Variants in NAALADL2 observed in about 807,000 individuals in gnomAD.
NAALADL2 encodes inactive N-acetylated-alpha-linked acidic dipeptidase-like protein 2.
Under a neutral mutation model 87.2 loss-of-function variants are expected in NAALADL2, and 76 were observed. That is an observed-to-expected ratio of 0.87 (90% CI 0.72 to 1.05). The LOEUF is 1.05. Among genes scored for constraint, NAALADL2 ranks in the 50% least tolerant of loss-of-function variants. NAALADL2 has a pLI of 0.00. For synonymous variants in NAALADL2, 354 were observed against 331.0 expected (o/e 1.07, Z -0.75); for missense variants, 1,089 against 945.8 (o/e 1.15, Z -1.99).
rs868027292 is a variant in NAALADL2, at chr3:175,463,400, G to T, written c.1235-1G>T. 1.9e-6 allele frequency: 3 copies of T among 1,552,064 alleles called. No homozygotes were observed. Among genetic ancestry groups the T allele is most frequent in the Middle Eastern group, 1.7e-4 (1 of 5,796 alleles). On this transcript the variant is annotated splice_acceptor_variant, in intron 6 of 13. Coordinates refer to ENST00000454872, the MANE Select transcript of NAALADL2 (RefSeq NM_207015.3). LOFTEE classifies it high-confidence loss of function. ...AAGTCTTTAAATTTTTATTTTTTCA[G>T]AAATAAGAGTCGTCAGCATGCAAGT...
chr3:174,474,269 C>T lies in NAALADL2; in HGVS notation c.-184+33237C>T, dbSNP rs551788429. Among the ~76,000 whole-genome samples, 14 of 152,262 alleles carry T rather than the reference C, an allele frequency of 9.2e-5. No homozygotes were observed. The South Asian group carries it at 2.9e-3, about 32-fold the overall frequency. On this transcript the variant is annotated intron_variant, in intron 1 of 3. Coordinates refer to the NAALADL2 transcript ENST00000434257. The stretch of plus-strand genomic sequence containing the variant: ...TGAAAATTTCCTCAGGCCATCGATT[C>T]ACAAATTTTGATGAACAAAGTTGAA...
chr3:174,498,894 C>G (rs1483619743), intron 1 of NAALADL2, among the ~76,000 whole-genome samples: 1 of 151,938 alleles, frequency 6.6e-6, no homozygotes, highest in Admixed American at 6.6e-5. Context: ...ATTGTCCACC[C>G]TTATCCTCAC....
intron 5 of NAALADL2, among the ~76,000 whole-genome samples, chr3:175,361,169 C>T (rs1180290976): frequency 6.6e-6 from 1 of 152,054 alleles, no homozygotes; most frequent in African/African-American, 2.4e-5. Flanking sequence ...TTTTCCAGTT[C>T]ATCCATGTCC....
At chr3:175,109,839 A>T (rs9873790) in intron 2 of NAALADL2, among the ~76,000 whole-genome samples, 22,413 of 151,660 alleles carry the variant, frequency 0.15, 1,816 homozygotes, top group African/African-American at 0.21. Context: ...AAACAAACGA[A>T]CCCACTCGTA....
intron 9 of NAALADL2, among the ~76,000 whole-genome samples, chr3:175,489,288 T>C (rs9873814): frequency 0.52 from 78,983 of 151,994 alleles, 22,510 homozygotes; most frequent in East Asian, 0.64. Flanking sequence ...ATAATGAAAA[T>C]CAAGCAACAT....
intron 5 of NAALADL2, among the ~76,000 whole-genome samples, chr3:175,348,120 T>C (rs1763348439): frequency 2.0e-5 from 3 of 152,120 alleles, no homozygotes; most frequent in East Asian, 3.9e-4. Flanking sequence ...AGTGTGATCT[T>C]GGCTCACTGC....
At chr3:175,481,446 A>G (rs1284588342) in intron 9 of NAALADL2, among the ~76,000 whole-genome samples, 1 of 151,136 alleles carries the variant, frequency 6.6e-6, no homozygotes, top group African/African-American at 2.4e-5. Flanking sequence ...CAAAATGCTG[A>G]CTCTAGGACC....
At chr3:175,774,919 T>A (rs377432296) in intron 13 of NAALADL2, 2 of 152,142 alleles carry the variant, frequency 1.3e-5, no homozygotes, top group South Asian at 2.1e-4. Flanking sequence ...TACTAGAAAA[T>A]GTAAAATTAT....
intron 5 of NAALADL2, among the ~76,000 whole-genome samples, chr3:175,379,213 G>A (rs567271386): frequency 6.8e-6 from 1 of 146,064 alleles, no homozygotes; most frequent in African/African-American, 2.5e-5. Flanking sequence ...TTTTCCTGTA[G>A]AATAGTCTTC....
chr3:175,800,002 G>A (rs972542452), intron 13 of NAALADL2, among the ~76,000 whole-genome samples: 5 of 152,136 alleles, frequency 3.3e-5, no homozygotes, highest in African/African-American at 1.2e-4. Flanking sequence ...TCCTGGTACT[G>A]GATGATGAAT....
intron 2 of NAALADL2, among the ~76,000 whole-genome samples, chr3:175,179,321 A>T (rs1736130329): frequency 6.6e-6 from 1 of 152,010 alleles, no homozygotes; most frequent in Non-Finnish European, 1.5e-5. Context: ...ATGAATATCT[A>T]AGTAAATAAA....
chr3:175,373,245 T>C (rs1399467561), intron 5 of NAALADL2, among the ~76,000 whole-genome samples: 1 of 152,212 alleles, frequency 6.6e-6, no homozygotes, highest in Non-Finnish European at 1.5e-5. Context: ...AACAGTTGTA[T>C]AATCATGACC....
chr3:175,748,399 T>G (rs558407377), intron 12 of NAALADL2, among the ~76,000 whole-genome samples: 1 of 152,364 alleles, frequency 6.6e-6, no homozygotes, highest in Admixed American at 6.5e-5. Context: ...AAGGTGTTTT[T>G]AAGATGACAT....
chr3:175,782,118 G>T (rs1447786837), intron 13 of NAALADL2, among the ~76,000 whole-genome samples: 1 of 150,520 alleles, frequency 6.6e-6, no homozygotes, highest in African/African-American at 2.4e-5. Flanking sequence ...TTGGACATTT[G>T]GGTTGGTTCC....
At chr3:175,517,733 T>C (rs1016153507) in intron 9 of NAALADL2, among the ~76,000 whole-genome samples, 1 of 151,264 alleles carries the variant, frequency 6.6e-6, no homozygotes, top group Non-Finnish European at 1.5e-5. Flanking sequence ...AGGAGTAGAG[T>C]CTCCATAGGA....
chr3:175,721,983 T>G (rs1742301812), intron 11 of NAALADL2, among the ~76,000 whole-genome samples: 1 of 152,054 alleles, frequency 6.6e-6, no homozygotes, highest in Non-Finnish European at 1.5e-5. Context: ...TACCAAATTT[T>G]CCATTCGTAT....
intron 1 of NAALADL2, among the ~76,000 whole-genome samples, chr3:175,085,474 G>C (rs1160093636): frequency 6.6e-6 from 1 of 152,056 alleles, no homozygotes; most frequent in Non-Finnish European, 1.5e-5. Context: ...CAGAAACCAA[G>C]TTATTTCCAT....
At chr3:174,520,771 A>G (rs1720226453) in intron 1 of NAALADL2, among the ~76,000 whole-genome samples, 1 of 152,200 alleles carries the variant, frequency 6.6e-6, no homozygotes, top group Non-Finnish European at 1.5e-5. Context: ...GTAAAAGACA[A>G]TTTACAGAAT....
At chr3:174,886,499 A>T (rs1362005221) in intron 1 of NAALADL2, among the ~76,000 whole-genome samples, 1 of 152,124 alleles carries the variant, frequency 6.6e-6, no homozygotes, top group Admixed American at 6.5e-5. Context: ...AATCAAGTTG[A>T]CACTCAGTAT....
Sources: gnomAD v4.1 joint callset for allele counts (sites outside exome capture counted in the v4.1 genomes callset) on GRCh38, gnomAD v4.1.1 for gene constraint, MANE v1.5 for transcripts, NCBI Gene and HGNC (gene_info 2026-07-23, HGNC 2026-07-21) for gene names.